AR: variants seen among roughly 807,000 people sequenced by gnomAD.
The protein encoded by AR is dihydrotestosterone receptor.
In AR, 8 loss-of-function variants were observed where a neutral mutation model predicts 53.9. The ratio of observed to expected loss-of-function variants is 0.15; its 90% confidence interval spans 0.09 to 0.27. The LOEUF (loss-of-function observed/expected upper bound fraction) is 0.27. Ranked by LOEUF, AR falls within the 10% of genes least tolerant of loss-of-function variation. The pLI, the probability that AR is intolerant of heterozygous loss-of-function variation, is 1.00. For synonymous variants in AR, 359 were observed against 316.4 expected, an observed-to-expected ratio of 1.13 and a Z score of -1.43; for missense variants, 639 against 742.5, an observed-to-expected ratio of 0.86 and a Z score of 1.62.
At chrX:67,644,356 C>T (rs953763732) in intron 2 of AR, among the ~76,000 whole-genome samples, 6 of 111,840 alleles carry the variant, frequency 5.4e-5, no homozygotes, top group African/African-American at 2.0e-4. Context: ...CCAGTATTCA[C>T]CTCTGCCCCA....
intron 2 of AR, among the ~76,000 whole-genome samples, chrX:67,681,373 A>G (rs1033614537): frequency 1.8e-5 from 2 of 111,769 alleles, no homozygotes; most frequent in African/African-American, 6.5e-5. Flanking sequence ...AATACAGAGA[A>G]GGGATCCACA....
In AR at chrX:67,723,570, G is replaced by C. The variant is rs1169732725; in HGVS notation, c.2608-116G>C. On this transcript the variant is annotated intron_variant, in intron 7 of 7. Coordinates refer to ENST00000374690, the MANE Select transcript of AR (RefSeq NM_000044.6). Reference sequence around the variant, plus strand: ...TCATGGGGGAGGACCAAGGAAGTACGGGGAAGGGGGAGGAAACAAAAGGCT... The same window carrying C: ...TCATGGGGGAGGACCAAGGAAGTACCGGGAAGGGGGAGGAAACAAAAGGCT... 1.9e-5 allele frequency: 16 copies of C among 821,878 alleles called. No homozygotes were observed. The South Asian group carries it at 3.4e-4, about 17-fold the overall frequency. 67.7% of individuals were successfully genotyped at this position (821,878 alleles called of 1,213,427 possible).
At chrX:67,680,903 C>T (rs944756920) in intron 2 of AR, 11 of 260,773 alleles carry the variant, frequency 4.2e-5, no homozygotes, top group Non-Finnish European at 6.6e-5. Context: ...TGGAAGGATA[C>T]GACTATGAAG....
chrX:67,621,074 CCGTGGA>C (rs1212563485), intron 1 of AR, among the ~76,000 whole-genome samples: 1 of 111,583 alleles, frequency 9.0e-6, no homozygotes, highest in African/African-American at 3.3e-5. Flanking sequence ...AAATTCTATG[CCGTGGA>C]AGAAGTTAAA....
intron 4 of AR, among the ~76,000 whole-genome samples, chrX:67,712,503 A>G (rs762824093): frequency 4.4e-5 from 5 of 112,562 alleles, no homozygotes; most frequent in Non-Finnish European, 9.4e-5. Flanking sequence ...AGGAATTCTT[A>G]GAGATCCTCT....
chrX:67,545,028 C>T lies in AR; in HGVS notation c.-119C>T. ...GCAAGTTTCCTTCTCTGGAGCTTCCCGCAGGTGGGCAGCTAGCTGCAGCGA... is the reference window on the plus strand; with the variant it reads ...GCAAGTTTCCTTCTCTGGAGCTTCCTGCAGGTGGGCAGCTAGCTGCAGCGA... On this transcript the variant is annotated 5_prime_UTR_variant, in exon 1 of 8. Coordinates refer to ENST00000374690, the MANE Select transcript of AR (RefSeq NM_000044.6). The T allele has an allele frequency of 9.6e-7, 1 of 1,042,845 alleles. No homozygotes were observed. 85.9% of individuals were successfully genotyped at this position (1,042,845 alleles called of 1,213,427 possible). A position where few individuals can be genotyped will look rare whatever the true frequency, so the allele number is the denominator to read the frequency against.
chrX:67,663,117 C>G (rs1367245343), intron 2 of AR, among the ~76,000 whole-genome samples: 1 of 111,569 alleles, frequency 9.0e-6, no homozygotes, highest in Non-Finnish European at 1.9e-5. Flanking sequence ...GCATTTAGCC[C>G]ATTTACATTT....
chrX:67,629,140 T>C (rs1021700201), intron 1 of AR, among the ~76,000 whole-genome samples: 8 of 111,228 alleles, frequency 7.2e-5, no homozygotes, highest in Non-Finnish European at 5.7e-5. Flanking sequence ...ATCAGGATGA[T>C]GCTGGCCTCA....
chrX:67,672,125 C>T (rs2075869230), intron 2 of AR, among the ~76,000 whole-genome samples: 1 of 111,537 alleles, frequency 9.0e-6, no homozygotes, highest in African/African-American at 3.3e-5. Flanking sequence ...CAACACCCCA[C>T]CCCCACGGAG....
At chrX:67,720,655 T>G (rs961913872) in intron 5 of AR, among the ~76,000 whole-genome samples, 1 of 111,286 alleles carries the variant, frequency 9.0e-6, no homozygotes, top group Non-Finnish European at 1.9e-5. Context: ...TCTGCCCTCT[T>G]CTCTCTTTCT....
intron 2 of AR, among the ~76,000 whole-genome samples, chrX:67,667,255 C>G (rs932474966): frequency 9.0e-6 from 1 of 111,389 alleles, no homozygotes; most frequent in Non-Finnish European, 1.9e-5. Context: ...AGATAGGGCT[C>G]TAGTTTCCTT....
At chrX:67,572,170 T>C (rs1352015799) in intron 1 of AR, among the ~76,000 whole-genome samples, 1 of 111,844 alleles carries the variant, frequency 8.9e-6, no homozygotes, top group Admixed American at 9.5e-5. Flanking sequence ...TAGGGTAATA[T>C]TCTGAGATTG....
At chrX:67,560,131 G>A (rs910493298) in intron 1 of AR, among the ~76,000 whole-genome samples, 3 of 111,407 alleles carry the variant, frequency 2.7e-5, no homozygotes, top group African/African-American at 9.8e-5. Context: ...CAGGTCAGAT[G>A]TGGGATTGAG....
At chrX:67,667,640 A>G (rs767758299) in intron 2 of AR, among the ~76,000 whole-genome samples, 7 of 111,585 alleles carry the variant, frequency 6.3e-5, no homozygotes, top group African/African-American at 2.3e-4. Flanking sequence ...GAATCTGTAG[A>G]TAGCTTCAGG....
At chrX:67,712,019 G>A (rs1355243875) in intron 4 of AR, among the ~76,000 whole-genome samples, 1 of 112,003 alleles carries the variant, frequency 8.9e-6, no homozygotes, top group South Asian at 3.8e-4. Flanking sequence ...GCCTTAGGAT[G>A]CTCTTCTATA....
intron 3 of AR, 148 bp downstream of exon 3, chrX:67,686,274 C>T (rs1162403858): frequency 1.1e-5 from 7 of 626,696 alleles, no homozygotes; most frequent in African/African-American, 2.3e-5. Flanking sequence ...TCATAGGCAA[C>T]GTGGCCATCA....
intron 2 of AR, among the ~76,000 whole-genome samples, chrX:67,678,080 TA>T (rs1223667159): frequency 5.5e-5 from 6 of 109,980 alleles, no homozygotes; most frequent in Non-Finnish European, 9.5e-5. Context: ...ATCTGTAAAA[TA>T]GGGGGGTATG....
At chrX:67,631,986 G>A (rs945346909) in intron 1 of AR, among the ~76,000 whole-genome samples, 6 of 113,427 alleles carry the variant, frequency 5.3e-5, no homozygotes, top group Non-Finnish European at 9.4e-5. Flanking sequence ...TGAGGAGGCA[G>A]TCTGCCCATT....
chrX:67,664,234 T>C (rs1023316880), intron 2 of AR, among the ~76,000 whole-genome samples: 33 of 111,798 alleles, frequency 3.0e-4, no homozygotes, highest in Admixed American at 1.6e-3. Flanking sequence ...CTCTGTTTTT[T>C]CCCCATCTTT....
Sources: gnomAD v4.1 joint callset for allele counts (sites outside exome capture counted in the v4.1 genomes callset) on GRCh38, gnomAD v4.1.1 for gene constraint, MANE v1.5 for transcripts, NCBI Gene and HGNC (gene_info 2026-07-23, HGNC 2026-07-21) for gene names.